Variants in COL4A6 observed in about 807,000 individuals in gnomAD.
COL4A6 encodes the protein collagen alpha-6(IV) chain.
Under a neutral mutation model 126.7 loss-of-function variants are expected in COL4A6, and 59 were observed. The observed-to-expected ratio is 0.47, with a 90% CI of 0.38 to 0.58. The LOEUF is 0.58. Ranked by LOEUF, COL4A6 falls within the 20% of genes least tolerant of loss-of-function variation. The pLI, the probability that COL4A6 is intolerant of heterozygous loss-of-function variation, is 0.00. For synonymous variants in COL4A6, 547 were observed against 496.6 expected (o/e 1.10, Z -1.35); for missense variants, 1,285 against 1,337.3 (o/e 0.96, Z 0.61).
intron 20 of COL4A6, among the ~76,000 whole-genome samples, chrX:108,189,876 C>A (rs2034984539): frequency 8.9e-6 from 1 of 112,172 alleles, no homozygotes; most frequent in African/African-American, 3.2e-5. Flanking sequence ...CTTCCCCTGG[C>A]CTAAGCCACA....
intron 14 of COL4A6, 148 bp from the exon 15 acceptor site, chrX:108,195,274 AC>A: frequency 3.3e-6 from 1 of 305,104 alleles, no homozygotes; most frequent in Non-Finnish European, 5.8e-6. Context: ...TAGCTTAACG[AC>A]TTTTTTTTTT....
upstream of COL4A6, chrX:108,439,411 G>A: frequency 1.3e-6 from 1 of 752,167 alleles, no homozygotes; most frequent in South Asian, 3.3e-5. Flanking sequence ...TCTTCTGCTT[G>A]TATGTAGAAA....
chrX:108,265,751 T>TAG (rs1358639365), intron 3 of COL4A6, among the ~76,000 whole-genome samples: 1 of 109,541 alleles, frequency 9.1e-6, no homozygotes, highest in African/African-American at 3.3e-5. Context: ...CTGCTGAGGA[T>TAG]AGAGAGAGAG....
intron 2 of COL4A6, among the ~76,000 whole-genome samples, chrX:108,334,177 A>G (rs1046399410): frequency 1.8e-5 from 2 of 112,008 alleles, no homozygotes; most frequent in Non-Finnish European, 3.8e-5. Flanking sequence ...TTAAATGTTC[A>G]TCACATCTTA....
chrX:108,431,932 G>C (rs144673807), intron 2 of COL4A6, among the ~76,000 whole-genome samples: 335 of 112,437 alleles, frequency 3.0e-3, no homozygotes, highest in African/African-American at 0.01. Flanking sequence ...TTCTGTGTAA[G>C]CATTGTGTGT....
intron 2 of COL4A6, among the ~76,000 whole-genome samples, chrX:108,388,646 T>C (rs1456212170): frequency 8.9e-6 from 1 of 111,767 alleles, no homozygotes; most frequent in African/African-American, 3.3e-5. Context: ...ATTTATTTTG[T>C]TGATCTTTTC....
chrX:108,367,192 C>G (rs1238020380), intron 2 of COL4A6, among the ~76,000 whole-genome samples: 1 of 112,109 alleles, frequency 8.9e-6, no homozygotes, highest in Non-Finnish European at 1.9e-5. Flanking sequence ...AATATACTGG[C>G]TGTGTGGCCT....
At chrX:108,160,772 C>G in intron 42 of COL4A6, 118 bp from the exon 43 acceptor site, 1 of 646,394 alleles carries the variant, frequency 1.5e-6, no homozygotes, top group Non-Finnish European at 2.2e-6. Flanking sequence ...TCACTCAATC[C>G]TCACGATGAC....
At chrX:108,209,434 A>G (rs1160933919) in intron 8 of COL4A6, among the ~76,000 whole-genome samples, 2 of 112,027 alleles carry the variant, frequency 1.8e-5, no homozygotes, top group African/African-American at 3.2e-5. Context: ...GAATACAGGA[A>G]AGGGAAAGAA....
At chrX:108,369,308 T>C (rs908132444) in intron 2 of COL4A6, among the ~76,000 whole-genome samples, 5 of 111,985 alleles carry the variant, frequency 4.5e-5, no homozygotes, top group African/African-American at 1.6e-4. Flanking sequence ...TGACTGTATA[T>C]ATTGAATGAA....
chrX:108,264,709 G>T (rs2037253657), intron 3 of COL4A6, among the ~76,000 whole-genome samples: 1 of 111,819 alleles, frequency 8.9e-6, no homozygotes, highest in South Asian at 3.7e-4. Context: ...AACAAGTGCA[G>T]AACAAAGAAC....
chrX:108,378,924 A>G lies in COL4A6; in HGVS notation c.63+59018T>C, dbSNP rs1372100316. On this transcript the variant is annotated intron_variant, in intron 2 of 44. Transcript: ENST00000334504. ...GACAGAGGCAGACGCACAAAGCCAA[A>G]GTATTTACTACTTGGCCCTTTACAG... 2.7e-5 allele frequency among the ~76,000 whole-genome samples: 3 copies of G among 112,624 alleles called. No homozygotes were observed. The Admixed American group carries it at 2.8e-4, about 11-fold the overall frequency.
chrX:108,189,572 C>T (rs2148150914), intron 20 of COL4A6, among the ~76,000 whole-genome samples: 1 of 112,331 alleles, frequency 8.9e-6, no homozygotes, highest in East Asian at 2.8e-4. Flanking sequence ...AATACATCAG[C>T]TTTGTAGTGA....
chrX:108,248,623 A>G (rs953899173), intron 3 of COL4A6, among the ~76,000 whole-genome samples: 6 of 111,079 alleles, frequency 5.4e-5, no homozygotes, highest in African/African-American at 2.0e-4. Flanking sequence ...TGGTTCTTAG[A>G]TATATATGTT....
chrX:108,362,091 AAGAG>A (rs961470171), intron 2 of COL4A6, among the ~76,000 whole-genome samples: 3 of 108,743 alleles, frequency 2.8e-5, no homozygotes, highest in East Asian at 5.8e-4. Context: ...GAGAGAGAGA[AAGAG>A]AGAGAGAGAC....
In COL4A6 at chrX:108,164,628, G is replaced by A. The variant is rs140412655; in HGVS notation, c.4041C>T (p.Pro1347=). The stretch of plus-strand genomic sequence containing the variant: ...TTGGCCCTGCCTTCCCCTTCATTCC[G>A]GGAAATCCTGGGTCTCCAGGTGGCC... The part of the protein sequence containing the change: ...KVGPPGDPGF[P]GMKGKAGPRG... The change falls in exon 40 of 45, where the codon CCC becomes CCT. Residue 1347 remains proline (P), a synonymous_variant. Transcript: ENST00000334504. 168 of 1,209,764 alleles carry A rather than the reference G, an allele frequency of 1.4e-4. No homozygotes were observed. The African/African-American group carries it at 2.8e-3, about 20-fold the overall frequency.
intron 2 of COL4A6, among the ~76,000 whole-genome samples, chrX:108,432,716 G>A (rs1357526389): frequency 9.0e-6 from 1 of 111,048 alleles, no homozygotes; most frequent in Non-Finnish European, 1.9e-5. Flanking sequence ...GGCACCTGTA[G>A]TCCCAGCTAC....
intron 3 of COL4A6, among the ~76,000 whole-genome samples, chrX:108,266,882 T>G (rs1816172701): frequency 9.0e-6 from 1 of 111,632 alleles, no homozygotes; most frequent in Admixed American, 9.5e-5. Flanking sequence ...AGGGATAGGA[T>G]TTTTTGTCAT....
chrX:108,334,387 C>G (rs2039382342), intron 2 of COL4A6, among the ~76,000 whole-genome samples: 1 of 111,590 alleles, frequency 9.0e-6, no homozygotes, highest in African/African-American at 3.3e-5. Flanking sequence ...TCAGGGAACA[C>G]CAGGTCATTA....
Sources: allele counts gnomAD v4.1 joint callset (sites outside exome capture counted in the v4.1 genomes callset), GRCh38; gene constraint gnomAD v4.1.1; transcripts MANE v1.5; gene names NCBI Gene and HGNC (gene_info 2026-07-23, HGNC 2026-07-21).